Variants in DST observed in about 807,000 individuals in gnomAD.
DST encodes the protein bullous pemphigoid antigen.
In DST, 253 loss-of-function variants were observed where a neutral mutation model predicts 875.2. The observed-to-expected ratio is 0.29, with a 90% CI of 0.26 to 0.32. DST has a LOEUF of 0.32. Among genes scored for constraint, DST ranks in the 10% least tolerant of loss-of-function variants. The pLI is 1.00. For missense variants in DST, 8,287 were observed against 9,111.6 expected, an observed-to-expected ratio of 0.91 and a Z score of 3.68; for synonymous variants, 3,124 against 3,197.1, an observed-to-expected ratio of 0.98 and a Z score of 0.77.
chr6:56,952,533 T>G (rs1592909709), intron 2 of DST, among the ~76,000 whole-genome samples: 1 of 152,264 alleles, frequency 6.6e-6, no homozygotes, highest in African/African-American at 2.4e-5. Context: ...ATTAAGTAAT[T>G]TAATAAAGAC....
At chr6:56,793,690 G>T (rs2099735066) in intron 4 of DST, among the ~76,000 whole-genome samples, 2 of 152,136 alleles carry the variant, frequency 1.3e-5, no homozygotes, top group South Asian at 4.2e-4. Flanking sequence ...AACATGCAGT[G>T]AAGAATGTAC....
intron 23 of DST, among the ~76,000 whole-genome samples, chr6:56,636,162 C>T (rs536870894): frequency 6.6e-6 from 1 of 151,620 alleles, no homozygotes; most frequent in African/African-American, 2.4e-5. Flanking sequence ...AGGATTCCTG[C>T]ATTAACAGAA....
intron 4 of DST, among the ~76,000 whole-genome samples, chr6:56,762,576 A>T (rs1029148289): frequency 1.3e-5 from 2 of 152,214 alleles, no homozygotes; most frequent in African/African-American, 4.8e-5. Flanking sequence ...TTTAAAGACA[A>T]GAATGCTATC....
At chr6:56,461,331 C>T (rs2094319583) in intron 102 of DST, 1 of 152,140 alleles carries the variant, frequency 6.6e-6, no homozygotes, top group Non-Finnish European at 1.5e-5. Flanking sequence ...ACAATTAATC[C>T]TCACACTCAC....
At position 56,603,434 on chromosome 6, in the gene DST, T is replaced by G; in HGVS notation, c.10942-14A>C. On this transcript the variant is annotated splice_polypyrimidine_tract_variant and intron_variant, in intron 41 of 103. Transcript: ENST00000680361. ...CAATTCAAATGTCTGCAAAGAAATA[T>G]ATCCCGGACCTATTTACTATTTAGT... is the stretch of plus-strand genomic sequence containing the variant. The G allele has an allele frequency of 6.2e-7, 1 of 1,607,046 alleles. No individual in the cohort carries two copies. Among genetic ancestry groups the G allele is most frequent in the Non-Finnish European group, 8.5e-7 (1 of 1,177,232 alleles).
At chr6:56,530,205 CT>C in intron 64 of DST, 72 bp from the exon 65 acceptor site, 2 of 1,186,032 alleles carry the variant, frequency 1.7e-6, no homozygotes, top group Non-Finnish European at 2.3e-6. Flanking sequence ...TTCAGTCATG[CT>C]CTTGCAATCT....
chr6:56,729,545 T>C (rs1368998967), intron 5 of DST, among the ~76,000 whole-genome samples: 1 of 149,090 alleles, frequency 6.7e-6, no homozygotes, highest in Non-Finnish European at 1.5e-5. Flanking sequence ...AGGCAGAGGT[T>C]GCGGTGAGCC....
rs1002955368 is a variant in DST, at chr6:56,470,021, C to A, written c.22477-64G>T. 32 of 1,604,360 alleles carry A rather than the reference C, an allele frequency of 2.0e-5. No individual in the cohort carries two copies. In the Middle Eastern group the frequency reaches 6.6e-4, roughly 33 times the overall value. On this transcript the variant is annotated intron_variant, in intron 96 of 103. Coordinates refer to ENST00000680361, the MANE Select transcript of DST (RefSeq NM_001374736.1). ...ATATTACATAGTACAATCCTTAAAA[C>A]TTTGACACAACAATTAGAGTGAAAA...
chr6:56,508,874 C>A, intron 74 of DST, 119 bp from the exon 75 acceptor site: 1 of 788,590 alleles, frequency 1.3e-6, no homozygotes, highest in Non-Finnish European at 2.0e-6. Context: ...AAAACTGGAC[C>A]AAGTTTTGAA....
chr6:56,491,113 G>T (rs1159912960), intron 85 of DST, among the ~76,000 whole-genome samples: 1 of 152,112 alleles, frequency 6.6e-6, no homozygotes, highest in East Asian at 1.9e-4. Context: ...CATTAGAGAT[G>T]GAGTATATCC....
At chr6:56,782,628 G>A (rs968893755) in intron 4 of DST, among the ~76,000 whole-genome samples, 1 of 151,686 alleles carries the variant, frequency 6.6e-6, no homozygotes, top group Non-Finnish European at 1.5e-5. Flanking sequence ...TTCTTTATTA[G>A]TCTTGCTAGC....
chr6:56,555,263 G>T, intron 60 of DST, 82 bp downstream of exon 60: 1 of 1,450,782 alleles, frequency 6.9e-7, no homozygotes, highest in Non-Finnish European at 9.2e-7. Context: ...TGGGGTCCTG[G>T]ATTATTGGCA....
chr6:56,736,284 C>T (rs1037148721), intron 4 of DST, among the ~76,000 whole-genome samples: 5 of 152,086 alleles, frequency 3.3e-5, no homozygotes, highest in Non-Finnish European at 7.4e-5. Context: ...TGCCCTGGTT[C>T]CTATAGACAG....
chr6:56,486,354 C>A, intron 87 of DST, among the ~76,000 whole-genome samples: 1 of 119,882 alleles, frequency 8.3e-6, no homozygotes, highest in South Asian at 2.8e-4. Context: ...CAGAGCGAGA[C>A]TCCGTCTCAA....
chr6:56,740,909 T>A lies in DST; in HGVS notation c.626-5620A>T, dbSNP rs568417546. Among the ~76,000 whole-genome samples the A allele has an allele frequency of 3.3e-5, 5 of 152,010 alleles. No homozygotes were observed. The South Asian group carries it at 1.0e-3, about 32-fold the overall frequency. Reference sequence around the variant, plus strand: ...ATGCTAAATCCTCAAGAAAAAAAAATTAATAATATATTAAAAATCTTTATA... The same window carrying A: ...ATGCTAAATCCTCAAGAAAAAAAAAATAATAATATATTAAAAATCTTTATA... On this transcript the variant is annotated intron_variant, in intron 4 of 103. Transcript: ENST00000680361.
At chr6:56,742,862 G>A (rs1342852969) in intron 4 of DST, among the ~76,000 whole-genome samples, 2 of 152,138 alleles carry the variant, frequency 1.3e-5, no homozygotes, top group East Asian at 3.8e-4. Flanking sequence ...CCACTTTTGG[G>A]TATTTCTTTA....
chr6:56,583,630 G>C (rs1160234017), intron 49 of DST, among the ~76,000 whole-genome samples: 1 of 152,144 alleles, frequency 6.6e-6, no homozygotes, highest in Non-Finnish European at 1.5e-5. Flanking sequence ...TTTGGCTTTT[G>C]TTGCCATTGC....
intron 2 of DST, among the ~76,000 whole-genome samples, chr6:56,916,523 G>A (rs904590157): frequency 1.3e-5 from 2 of 152,068 alleles, no homozygotes; most frequent in East Asian, 1.9e-4. Context: ...AGGCCAAGGC[G>A]AGCAGATCGC....
chr6:56,592,885 T>C (rs951618787), intron 48 of DST, among the ~76,000 whole-genome samples: 2 of 151,924 alleles, frequency 1.3e-5, no homozygotes, highest in Non-Finnish European at 2.9e-5. Flanking sequence ...TTAGATTTTT[T>C]TTTTTCAAAA....
Sources: gnomAD v4.1 joint callset for allele counts (sites outside exome capture counted in the v4.1 genomes callset) on GRCh38, gnomAD v4.1.1 for gene constraint, MANE v1.5 for transcripts, NCBI Gene and HGNC (gene_info 2026-07-23, HGNC 2026-07-21) for gene names.